CTDSPL: variants seen among roughly 807,000 people sequenced by gnomAD.
CTDSPL encodes the protein CTD small phosphatase like.
A neutral mutation model predicts 30.5 loss-of-function variants in CTDSPL; 8 were observed. The ratio of observed to expected loss-of-function variants is 0.26; its 90% CI spans 0.15 to 0.47. The LOEUF (loss-of-function observed/expected upper bound fraction) is 0.47, where lower values mean the gene tolerates loss of function less well. Ranked by LOEUF, CTDSPL falls within the 20% of genes least tolerant of loss-of-function variation. The probability of loss-of-function intolerance (pLI) is 0.99; values close to 1 mark genes in which losing one functional copy is unlikely to be tolerated. For missense variants in CTDSPL, 248 were observed against 366.1 expected, an observed-to-expected ratio of 0.68 and a Z score of 2.63; for synonymous variants, 110 against 137.9, an observed-to-expected ratio of 0.80 and a Z score of 1.42.
At chr3:37,891,615 A>G (rs1698326498) in intron 1 of CTDSPL, among the ~76,000 whole-genome samples, 2 of 152,190 alleles carry the variant, frequency 1.3e-5, no homozygotes, top group Admixed American at 6.5e-5. Flanking sequence ...TTTTCATTTA[A>G]CCTGTTAATG....
At position 37,889,935 on chromosome 3, in the gene CTDSPL, TA is replaced by T. The variant is rs1698305408; in HGVS notation, c.79+27662del. On this transcript the variant is annotated intron_variant, in intron 1 of 7. Coordinates refer to ENST00000273179, the MANE Select transcript of CTDSPL (RefSeq NM_001008392.2). ...AGTGTAAAGACAGAACAAAGACATT[TA>T]AAAATCTGCAAGGACTGAAAATTTT... Among the ~76,000 whole-genome samples, 8 of 152,354 alleles carry T rather than the reference TA, an allele frequency of 5.3e-5. No homozygotes were observed. The South Asian group carries it at 1.7e-3, about 32-fold the overall frequency.
intron 1 of CTDSPL, among the ~76,000 whole-genome samples, chr3:37,915,396 C>T (rs1001157989): frequency 5.3e-5 from 8 of 152,096 alleles, no homozygotes; most frequent in African/African-American, 1.9e-4. Flanking sequence ...ACTCAATTCT[C>T]TCCTCTCCTG....
intron 1 of CTDSPL, among the ~76,000 whole-genome samples, chr3:37,874,878 A>G (rs1239696666): frequency 6.6e-6 from 1 of 152,194 alleles, no homozygotes; most frequent in South Asian, 2.1e-4. Flanking sequence ...CTCTTGGGTA[A>G]TGTTGAAAGA....
At chr3:37,960,535 T>TATATAG (rs1327299412) in intron 3 of CTDSPL, among the ~76,000 whole-genome samples, 1 of 16,300 alleles carries the variant, frequency 6.1e-5, no homozygotes, top group Non-Finnish European at 1.0e-4. Flanking sequence ...TATATATATA[T>TATATAG]ACACACACAC....
chr3:37,886,658 C>G (rs938970459), intron 1 of CTDSPL, among the ~76,000 whole-genome samples: 1 of 152,190 alleles, frequency 6.6e-6, no homozygotes, highest in Non-Finnish European at 1.5e-5. Flanking sequence ...AGAGCTGAGC[C>G]TAGTACCTTG....
At chr3:37,963,792 CATAA>C (rs1699268502) in intron 3 of CTDSPL, among the ~76,000 whole-genome samples, 1 of 152,076 alleles carries the variant, frequency 6.6e-6, no homozygotes, top group South Asian at 2.1e-4. Flanking sequence ...TACTAAGACA[CATAA>C]ATAGATTGTT....
At chr3:37,887,416 A>T (rs1414854064) in intron 1 of CTDSPL, among the ~76,000 whole-genome samples, 4 of 152,094 alleles carry the variant, frequency 2.6e-5, no homozygotes, top group Non-Finnish European at 4.4e-5. Flanking sequence ...CAGGATTAGG[A>T]GGTAGAGAGG....
At chr3:37,977,951 T>A (rs1699448614) in intron 7 of CTDSPL, among the ~76,000 whole-genome samples, 1 of 152,112 alleles carries the variant, frequency 6.6e-6, no homozygotes, top group Non-Finnish European at 1.5e-5. Flanking sequence ...TATGAAGATA[T>A]CATATCAAGG....
At chr3:37,966,687 G>A (rs1017814600) in intron 4 of CTDSPL, among the ~76,000 whole-genome samples, 2 of 152,200 alleles carry the variant, frequency 1.3e-5, no homozygotes, top group African/African-American at 4.8e-5. Context: ...ACGGTGCTAT[G>A]ACCTAGCATT....
intron 6 of CTDSPL, among the ~76,000 whole-genome samples, chr3:37,972,483 G>A (rs367965260): frequency 6.6e-6 from 1 of 152,094 alleles, no homozygotes; most frequent in Non-Finnish European, 1.5e-5. Context: ...CAGTGACTCC[G>A]TCTCAAAAAT....
chr3:37,971,838 C>T (rs576151730), intron 6 of CTDSPL, among the ~76,000 whole-genome samples: 17 of 152,352 alleles, frequency 1.1e-4, no homozygotes, highest in Admixed American at 9.1e-4. Flanking sequence ...TGTCAGCCAA[C>T]TGCTAGAGGC....
chr3:37,899,786 G>A (rs903141006), intron 1 of CTDSPL, among the ~76,000 whole-genome samples: 3 of 152,164 alleles, frequency 2.0e-5, no homozygotes, highest in Non-Finnish European at 4.4e-5. Context: ...TGCAAAGTAG[G>A]TGTAGTTGTT....
chr3:37,862,326 C>T lies in CTDSPL; in HGVS notation c.79+48C>T. 1.4e-6 allele frequency: 2 copies of T among 1,413,278 alleles called. No homozygotes were observed. Among genetic ancestry groups the T allele is most frequent in the African/African-American group, 1.5e-5 (1 of 66,098 alleles). The allele number at this position is 1,413,278 out of a possible 1,614,324, so 87.5% of individuals were successfully genotyped here. A position where few individuals can be genotyped will look rare whatever the true frequency, so the allele number is the denominator to read the frequency against. On this transcript the variant is annotated intron_variant, in intron 1 of 7. Transcript: ENST00000273179. The surrounding 1 kb of genome is among the most constrained non-coding windows in gnomAD (Gnocchi z 4.3). Reference sequence around the variant, plus strand: ...GCGGGCTGGGGGCGAGCGCACACCCCGCGCCGCTGGAGTTCACTGCCGGGC... The same window carrying T: ...GCGGGCTGGGGGCGAGCGCACACCCTGCGCCGCTGGAGTTCACTGCCGGGC...
chr3:37,944,058 G>A (rs1315531286), intron 1 of CTDSPL, among the ~76,000 whole-genome samples: 1 of 150,022 alleles, frequency 6.7e-6, no homozygotes, highest in African/African-American at 2.4e-5. Flanking sequence ...AGAAGCGTAC[G>A]AATTAGGCTG....
intron 1 of CTDSPL, among the ~76,000 whole-genome samples, chr3:37,903,939 T>C (rs1343827421): frequency 2.0e-5 from 3 of 152,204 alleles, no homozygotes; most frequent in Admixed American, 6.5e-5. Flanking sequence ...TACTGACTTA[T>C]TCAAGCAGTT....
intron 5 of CTDSPL, chr3:37,969,515 C>A (rs1276296712): frequency 2.2e-6 from 1 of 450,710 alleles, no homozygotes; most frequent in African/African-American, 2.0e-5. Context: ...TCAGGACCCC[C>A]CTCTCTGCCA....
At chr3:37,916,344 A>T (rs1698646524) in intron 1 of CTDSPL, among the ~76,000 whole-genome samples, 2 of 152,140 alleles carry the variant, frequency 1.3e-5, no homozygotes, top group Non-Finnish European at 2.9e-5. Context: ...TTTTATTCTC[A>T]TGGTACTTGT....
chr3:37,916,985 C>G (rs1698656972), intron 1 of CTDSPL, among the ~76,000 whole-genome samples: 1 of 152,200 alleles, frequency 6.6e-6, no homozygotes, highest in Non-Finnish European at 1.5e-5. Flanking sequence ...CACTGACATG[C>G]TGCAGGTTTT....
intron 1 of CTDSPL, among the ~76,000 whole-genome samples, chr3:37,878,585 T>C (rs1176481944): frequency 6.6e-6 from 1 of 152,182 alleles, no homozygotes; most frequent in African/African-American, 2.4e-5. Context: ...TAGTACCAGC[T>C]TTCCCTCAGA....
Sources: allele counts gnomAD v4.1 joint callset (sites outside exome capture counted in the v4.1 genomes callset), GRCh38; gene constraint gnomAD v4.1.1; non-coding constraint Gnocchi (gnomAD v3.1); transcripts MANE v1.5; gene names NCBI Gene and HGNC (gene_info 2026-07-23, HGNC 2026-07-21).